PPM1E: variants seen among roughly 807,000 people sequenced by gnomAD.
The protein encoded by PPM1E is protein phosphatase, Mg2+/Mn2+ dependent 1E.
PPM1E carries 20 observed loss-of-function variants against 65.9 expected under a neutral mutation model. The observed-to-expected ratio is 0.30, with a 90% CI of 0.21 to 0.44. The LOEUF is 0.44. Among genes scored for constraint, PPM1E ranks in the 20% least tolerant of loss-of-function variants. PPM1E has a pLI of 1.00. For synonymous variants in PPM1E, 352 were observed against 374.9 expected, an observed-to-expected ratio of 0.94 and a Z score of 0.70; for missense variants, 713 against 953.1, an observed-to-expected ratio of 0.75 and a Z score of 3.32.
At chr17:58,825,212 T>TCACACA (rs955027575) in intron 1 of PPM1E, among the ~76,000 whole-genome samples, 1 of 124,704 alleles carries the variant, frequency 8.0e-6, no homozygotes, top group African/African-American at 3.1e-5. Flanking sequence ...CTATTGATTC[T>TCACACA]CACACACACA....
At chr17:58,818,140 G>A (rs2050445402) in intron 1 of PPM1E, among the ~76,000 whole-genome samples, 2 of 152,184 alleles carry the variant, frequency 1.3e-5, no homozygotes, top group South Asian at 4.1e-4. Context: ...AAATGAGACA[G>A]TACTTAATAG....
At chr17:58,886,489 C>T (rs1023795201) in intron 1 of PPM1E, among the ~76,000 whole-genome samples, 2 of 152,176 alleles carry the variant, frequency 1.3e-5, no homozygotes, top group African/African-American at 4.8e-5. Context: ...ATAGCCGGGG[C>T]AGGTTCCTTT....
At chr17:58,790,284 G>A (rs552089273) in intron 1 of PPM1E, among the ~76,000 whole-genome samples, 40 of 151,992 alleles carry the variant, frequency 2.6e-4, no homozygotes, top group African/African-American at 9.2e-4. Context: ...GGCTGATCTG[G>A]AACTTCTGGC....
intron 1 of PPM1E, among the ~76,000 whole-genome samples, chr17:58,850,755 T>C (rs1313112102): frequency 6.6e-6 from 1 of 152,202 alleles, no homozygotes; most frequent in African/African-American, 2.4e-5. Flanking sequence ...ATTATGTGTC[T>C]TGGAGTTGCT....
At chr17:58,882,926 A>T in intron 1 of PPM1E, among the ~76,000 whole-genome samples, 1 of 148,054 alleles carries the variant, frequency 6.8e-6, no homozygotes, top group Admixed American at 6.7e-5. Context: ...CCTTCTCTTA[A>T]GGTTTTCATT....
chr17:58,952,577 G>A (rs2052254655), intron 1 of PPM1E, among the ~76,000 whole-genome samples: 1 of 152,212 alleles, frequency 6.6e-6, no homozygotes, highest in South Asian at 2.1e-4. Context: ...TCACAGAGCT[G>A]CTTCTCAGGC....
At chr17:58,975,317 G>A (rs2030927980) in intron 6 of PPM1E, among the ~76,000 whole-genome samples, 1 of 152,138 alleles carries the variant, frequency 6.6e-6, no homozygotes, top group Non-Finnish European at 1.5e-5. Context: ...TTCTAAAAGG[G>A]AAAACCAAAG....
chr17:58,888,679 T>A (rs1164607305), intron 1 of PPM1E, among the ~76,000 whole-genome samples: 6 of 152,168 alleles, frequency 3.9e-5, no homozygotes, highest in African/African-American at 1.2e-4. Context: ...CTTTAAACAA[T>A]GATTTTTCAC....
At chr17:58,824,594 G>GT (rs34305641) in intron 1 of PPM1E, among the ~76,000 whole-genome samples, 23,776 of 142,154 alleles carry the variant, frequency 0.17, 2,966 homozygotes, top group African/African-American at 0.34. Flanking sequence ...TCTTTCTGTT[G>GT]TTTTTTTTTT....
chr17:58,816,776 ATATATATATATATATATATTTTT>A lies in PPM1E; in HGVS notation c.464+60317_464+60339del, dbSNP rs1331776185. On this transcript the variant is annotated intron_variant, in intron 1 of 6. Transcript: ENST00000308249. ...TATATATATATATATATATATATAT[ATATATATATATATATATATTTTT>A]TTTTTTTTTTTTTTGAGACAGGGTC... 1.7e-3 allele frequency among the ~76,000 whole-genome samples: 19 copies of A among 11,334 alleles called. 1 individual carries two copies. Among genetic ancestry groups the A allele is most frequent in the African/African-American group, 6.4e-3 (17 of 2,660 alleles). 7.4% of individuals were successfully genotyped at this position (11,334 alleles called of 152,430 possible).
intron 1 of PPM1E, among the ~76,000 whole-genome samples, chr17:58,797,824 G>A (rs1322392987): frequency 6.6e-6 from 1 of 152,102 alleles, no homozygotes; most frequent in Non-Finnish European, 1.5e-5. Flanking sequence ...ATTTTATGTG[G>A]CCACGAAAAA....
chr17:58,805,980 AAAAACAAAAC>A lies in PPM1E; in HGVS notation c.464+49534_464+49543del, dbSNP rs1422405569. On this transcript the variant is annotated intron_variant, in intron 1 of 6. Coordinates refer to ENST00000308249, the MANE Select transcript of PPM1E (RefSeq NM_014906.5). ...AAAAAACAAAAAAAAAAAACAAAAA[AAAAACAAAAC>A]AAAACAAAACAAAAAAAAAACTATA... Among the ~76,000 whole-genome samples, 105 of 107,934 alleles carry A rather than the reference AAAAACAAAAC, an allele frequency of 9.7e-4. 4 individuals carry two copies. Among genetic ancestry groups the A allele is most frequent in the Non-Finnish European group, 1.4e-3 (79 of 54,988 alleles). 70.8% of individuals were successfully genotyped at this position (107,934 alleles called of 152,430 possible).
intron 1 of PPM1E, among the ~76,000 whole-genome samples, chr17:58,821,279 T>G (rs1225967206): frequency 1.3e-5 from 2 of 151,962 alleles, no homozygotes; most frequent in Non-Finnish European, 2.9e-5. Context: ...CCTGGCTAAT[T>G]TTTTGTATTT....
intron 1 of PPM1E, among the ~76,000 whole-genome samples, chr17:58,798,721 T>A (rs2050231470): frequency 1.3e-5 from 2 of 151,582 alleles, no homozygotes; most frequent in Non-Finnish European, 2.9e-5. Context: ...TGAGATGGAG[T>A]CTCACTCTGT....
chr17:58,873,357 T>A (rs564774370), intron 1 of PPM1E, among the ~76,000 whole-genome samples: 1 of 152,144 alleles, frequency 6.6e-6, no homozygotes, highest in East Asian at 1.9e-4. Context: ...TTTAAAATGA[T>A]CTCAGTTCCC....
intron 1 of PPM1E, among the ~76,000 whole-genome samples, chr17:58,830,590 A>T (rs1837290642): frequency 6.6e-6 from 1 of 151,578 alleles, no homozygotes; most frequent in Admixed American, 6.6e-5. Flanking sequence ...ACAGGTGTGA[A>T]CCACTGCGCC....
chr17:58,969,912 A>T (rs906806114), intron 4 of PPM1E, among the ~76,000 whole-genome samples, 185 bp downstream of exon 4: 6 of 152,218 alleles, frequency 3.9e-5, no homozygotes, highest in African/African-American at 1.4e-4. Flanking sequence ...TTCAGGGGGT[A>T]CAATGAGGTA....
intron 1 of PPM1E, among the ~76,000 whole-genome samples, chr17:58,903,679 G>T (rs2051523436): frequency 6.6e-6 from 1 of 152,110 alleles, no homozygotes; most frequent in African/African-American, 2.4e-5. Context: ...CCCAGCTTCT[G>T]GGTTGTTCAG....
At chr17:58,837,019 C>CAAAA (rs761954197) in intron 1 of PPM1E, among the ~76,000 whole-genome samples, 1 of 39,058 alleles carries the variant, frequency 2.6e-5, no homozygotes, top group Non-Finnish European at 5.1e-5. Context: ...AACTCCGTCT[C>CAAAA]AAAAAAAAAA....
Sources: gnomAD v4.1 joint callset for allele counts (sites outside exome capture counted in the v4.1 genomes callset) on GRCh38, gnomAD v4.1.1 for gene constraint, MANE v1.5 for transcripts, NCBI Gene and HGNC (gene_info 2026-07-23, HGNC 2026-07-21) for gene names.